Variants in TBC1D16 observed in about 807,000 individuals in gnomAD.
TBC1D16 encodes the protein CTD-2529O21.1.
Under a neutral mutation model 74.7 loss-of-function variants are expected in TBC1D16, and 58 were observed. That is an observed-to-expected ratio of 0.78 (90% CI 0.63 to 0.97). The LOEUF (loss-of-function observed/expected upper bound fraction) is 0.97. Ranked by LOEUF, TBC1D16 falls within the 50% of genes least tolerant of loss-of-function variation. TBC1D16 has a pLI of 0.00. For synonymous variants in TBC1D16, 493 were observed against 474.7 expected (o/e 1.04, Z -0.50); for missense variants, 1,014 against 1,079.5 (o/e 0.94, Z 0.85).
rs1307871547 is a variant in TBC1D16, at chr17:79,947,838, G to A, written c.1542-7C>T. The A allele has an allele frequency of 6.2e-7, 1 of 1,611,804 alleles. No homozygotes were observed. Among genetic ancestry groups the A allele is most frequent in the East Asian group, 2.2e-5 (1 of 44,864 alleles). ...GTAGTTCAGCAGGATCCTCCTGGGA[G>A]GCGGTGGAGACAGCAGTGGGTGGGG... On this transcript the variant is annotated splice_polypyrimidine_tract_variant and splice_region_variant and intron_variant, in intron 8 of 11. Coordinates refer to ENST00000310924, the MANE Select transcript of TBC1D16 (RefSeq NM_019020.4).
At position 79,994,166 on chromosome 17, in the gene TBC1D16, A is replaced by G. The variant is rs569699003; in HGVS notation, c.779+15994T>C. Among the ~76,000 whole-genome samples, 196 of 151,998 alleles carry G rather than the reference A, an allele frequency of 1.3e-3. No homozygotes were observed. Among genetic ancestry groups the G allele is most frequent in the African/African-American group, 4.4e-3 (183 of 41,440 alleles). On this transcript the variant is annotated intron_variant, in intron 3 of 11. Coordinates refer to ENST00000310924, the MANE Select transcript of TBC1D16 (RefSeq NM_019020.4). The surrounding 1 kb of genome is among the most constrained non-coding windows in gnomAD (Gnocchi z 4.6). The stretch of plus-strand genomic sequence containing the variant: ...CTGTCAGTCCTTCGGAAGACAGTCA[A>G]TAACAGCATGGTTTAAGACGGCCCA...
chr17:80,012,085 T>G (rs1295271520), intron 2 of TBC1D16, among the ~76,000 whole-genome samples: 1 of 152,098 alleles, frequency 6.6e-6, no homozygotes, highest in East Asian at 1.9e-4. Context: ...ATATCCTGAT[T>G]CCTGGGCCTC....
Position 79,986,889 on chromosome 17 carries a change from G to A in TBC1D16, c.779+23271C>T, listed in dbSNP as rs191286044. On this transcript the variant is annotated intron_variant, in intron 3 of 11. Coordinates refer to ENST00000310924, the MANE Select transcript of TBC1D16 (RefSeq NM_019020.4). This position sits in a 1 kb window ranked among gnomAD's most constrained non-coding sequence, Gnocchi z 6.0. ...CGTGATGCATGGGAGGAGCTGGACT[G>A]CGGTCAGCCGTCCCCTCGCGCCCTC... 2.5e-3 allele frequency among the ~76,000 whole-genome samples: 375 copies of A among 152,360 alleles called. 2 individuals carry two copies. Among genetic ancestry groups the A allele is most frequent in the African/African-American group, 8.7e-3 (362 of 41,572 alleles).
chr17:79,937,197 G>A lies in TBC1D16; in HGVS notation c.*3662C>T, dbSNP rs553889172. 6.6e-6 allele frequency: 1 copy of A among 152,400 alleles called. No individual in the cohort carries two copies. Among genetic ancestry groups the A allele is most frequent in the East Asian group, 1.9e-4 (1 of 5,180 alleles). 9.4% of individuals were successfully genotyped at this position (152,400 alleles called of 1,614,324 possible). A position where few individuals can be genotyped will look rare whatever the true frequency, so the allele number is the denominator to read the frequency against. ...AGCTTGGGCAGATTCCCATCATCTA[G>A]GGGCTGTGCCCCACATCTATTTCTG... On this transcript the variant is annotated 3_prime_UTR_variant, in exon 12 of 12. Coordinates refer to ENST00000310924, the MANE Select transcript of TBC1D16 (RefSeq NM_019020.4).
intron 3 of TBC1D16, among the ~76,000 whole-genome samples, chr17:79,997,327 A>G (rs2035312658): frequency 1.3e-5 from 2 of 151,910 alleles, no homozygotes; most frequent in African/African-American, 4.8e-5. Context: ...GAAGTGGGTG[A>G]AGGGTGTATA....
intron 2 of TBC1D16, among the ~76,000 whole-genome samples, 168 bp downstream of exon 2, chr17:80,013,198 AC>A (rs897542406): frequency 6.6e-6 from 1 of 152,214 alleles, no homozygotes; most frequent in African/African-American, 2.4e-5. Flanking sequence ...CATGAGCCAG[AC>A]TTAACACCCC....
chr17:79,949,089 C>G, intron 7 of TBC1D16, 83 bp from the exon 8 acceptor site: 1 of 1,573,600 alleles, frequency 6.4e-7, no homozygotes, highest in South Asian at 1.1e-5. Context: ...GGAAGCCACC[C>G]TTCCTCCCAA....
rs1005016005 is a variant in TBC1D16 at position 80,007,230 on chromosome 17, G to C, written c.779+2930C>G. Reference sequence around the variant, plus strand: ...ATTTTCTGAGCCTTCATCAGGAGCAGGGCCGGGCTGTGGTAAGCACCCCCC... The same window carrying C: ...ATTTTCTGAGCCTTCATCAGGAGCACGGCCGGGCTGTGGTAAGCACCCCCC... On this transcript the variant is annotated intron_variant, in intron 3 of 11. Coordinates refer to ENST00000310924, the MANE Select transcript of TBC1D16 (RefSeq NM_019020.4). This position sits in a 1 kb window ranked among gnomAD's most constrained non-coding sequence, Gnocchi z 4.5. 6.6e-6 allele frequency among the ~76,000 whole-genome samples: 1 copy of C among 152,182 alleles called. No homozygotes were observed. Among genetic ancestry groups the C allele is most frequent in the Non-Finnish European group, 1.5e-5 (1 of 68,038 alleles).
In TBC1D16 at chr17:79,952,731, C is replaced by T. The variant is rs1488912916; in HGVS notation, c.867G>A (p.Val289=). 2.5e-6 allele frequency: 4 copies of T among 1,612,396 alleles called. No homozygotes were observed. Among genetic ancestry groups the T allele is most frequent in the South Asian group, 2.2e-5 (2 of 91,028 alleles). Residue 289 remains valine, a synonymous_variant, in exon 4 of 12, where the codon GTG becomes GTA. Transcript: ENST00000310924. ...CGCCGCAAATCTGCTCCAGGGCGCA[C>T]ACCCGCTGCGGCTCGTCCCAGCGTG... ...QTPRWDEPQR[V]CALEQICGVF... is the part of the protein sequence containing the mutation.
intron 5 of TBC1D16, 115 bp downstream of exon 5, chr17:79,951,335 C>A: frequency 7.6e-7 from 1 of 1,313,794 alleles, no homozygotes. Context: ...TGGGTCACAC[C>A]CCGTAAGCCC....
chr17:80,024,561 C>A (rs2036456392), intron 1 of TBC1D16, among the ~76,000 whole-genome samples: 1 of 124,698 alleles, frequency 8.0e-6, no homozygotes, highest in African/African-American at 3.2e-5. Context: ...ACACACCACA[C>A]ACGACACACC....
chr17:79,947,910 G>T, intron 8 of TBC1D16, 79 bp from the exon 9 acceptor site: 1 of 1,245,800 alleles, frequency 8.0e-7, no homozygotes, highest in Non-Finnish European at 1.1e-6. Flanking sequence ...ACCCTGGGCC[G>T]TGGACCCTGC....
At chr17:79,952,630 C>CA (rs766682179) in intron 4 of TBC1D16, 27 bp downstream of exon 4, 4 of 1,572,754 alleles carry the variant, frequency 2.5e-6, no homozygotes, top group Non-Finnish European at 3.5e-6. Flanking sequence ...GGCCAACTCC[C>CA]AGGAGGCGCC....
chr17:79,982,528 G>C (rs1402309438), intron 3 of TBC1D16, among the ~76,000 whole-genome samples: 1 of 151,850 alleles, frequency 6.6e-6, no homozygotes, highest in African/African-American at 2.4e-5. Flanking sequence ...GTGTGTGCAC[G>C]TGTGTACAGG....
At chr17:80,017,847 G>C (rs2036146680) in intron 1 of TBC1D16, among the ~76,000 whole-genome samples, 2 of 152,096 alleles carry the variant, frequency 1.3e-5, no homozygotes, top group African/African-American at 4.8e-5. Flanking sequence ...CCAGCTCTCT[G>C]CCAACCTCTC....
At chr17:80,021,397 C>T (rs1203046534) in intron 1 of TBC1D16, among the ~76,000 whole-genome samples, 1 of 149,682 alleles carries the variant, frequency 6.7e-6, no homozygotes, top group Non-Finnish European at 1.5e-5. Flanking sequence ...GACGTCGAGG[C>T]TGCATTGAGC....
Position 79,951,610 on chromosome 17 carries a change from T to G in TBC1D16, c.942-13A>C, listed in dbSNP as rs763103744. ...GCAGGCCTCGTCGCTGAAGGGCCAT[T>G]GGAAGGGGGAGAGGGAAGCCCGATG... On this transcript the variant is annotated splice_polypyrimidine_tract_variant and intron_variant, in intron 4 of 11. Transcript: ENST00000310924. 2 of 1,611,314 alleles carry G rather than the reference T, an allele frequency of 1.2e-6. No individual in the cohort carries two copies. Among genetic ancestry groups the G allele is most frequent in the Non-Finnish European group, 1.7e-6 (2 of 1,178,558 alleles).
At chr17:80,032,431 C>A (rs908296773) in intron 1 of TBC1D16, among the ~76,000 whole-genome samples, 2 of 152,128 alleles carry the variant, frequency 1.3e-5, no homozygotes, top group African/African-American at 4.8e-5. Context: ...CTTAGTCTTA[C>A]AGTGGCCCGA....
chr17:79,972,440 A>C (rs2454764), intron 3 of TBC1D16, among the ~76,000 whole-genome samples: 23 of 152,172 alleles, frequency 1.5e-4, no homozygotes, highest in African/African-American at 5.6e-4. Context: ...CTCCCAAAAA[A>C]AAAGTGCTGG....
Sources: allele counts gnomAD v4.1 joint callset (sites outside exome capture counted in the v4.1 genomes callset), GRCh38; gene constraint gnomAD v4.1.1; non-coding constraint Gnocchi (gnomAD v3.1); transcripts MANE v1.5; gene names NCBI Gene and HGNC (gene_info 2026-07-23, HGNC 2026-07-21).